Variants in STK3 observed in about 807,000 individuals in gnomAD.
STK3 encodes serine/threonine kinase 3.
A neutral mutation model predicts 58.0 loss-of-function variants in STK3; 41 were observed. The observed-to-expected ratio is 0.71, with a 90% CI of 0.55 to 0.92. STK3 has a LOEUF of 0.92. Ranked by LOEUF, STK3 falls within the 40% of genes least tolerant of loss-of-function variation. The probability of loss-of-function intolerance (pLI) is 0.00; values close to 1 mark genes in which losing one functional copy is unlikely to be tolerated. For missense variants in STK3, 479 were observed against 602.7 expected (o/e 0.79, Z 2.15); for synonymous variants, 170 against 191.0 (o/e 0.89, Z 0.91).
At chr8:98,480,081 AC>A (rs145358938) in intron 10 of STK3, among the ~76,000 whole-genome samples, 1,766 of 152,200 alleles carry the variant, frequency 0.012, 38 homozygotes, top group African/African-American at 0.041. Flanking sequence ...GTGTTTCAGG[AC>A]CCTCTGAAGT....
chr8:98,653,548 G>GT (rs761679594), intron 6 of STK3, among the ~76,000 whole-genome samples: 8 of 152,074 alleles, frequency 5.3e-5, no homozygotes, highest in Non-Finnish European at 8.8e-5. Flanking sequence ...TCAGGAGCTG[G>GT]TTTTTTGAAA....
At chr8:98,761,203 A>G (rs942512707) in intron 3 of STK3, among the ~76,000 whole-genome samples, 1 of 150,806 alleles carries the variant, frequency 6.6e-6, no homozygotes, top group African/African-American at 2.4e-5. Context: ...AGGTCATTGT[A>G]ACCTCTGCTT....
At chr8:98,804,959 C>A (rs999657851) in intron 1 of STK3, among the ~76,000 whole-genome samples, 1 of 152,172 alleles carries the variant, frequency 6.6e-6, no homozygotes, top group Non-Finnish European at 1.5e-5. Flanking sequence ...ACTCTTCCTC[C>A]AGGGACTTCT....
chr8:98,549,487 C>A (rs1338854399), intron 8 of STK3, among the ~76,000 whole-genome samples: 5 of 152,040 alleles, frequency 3.3e-5, no homozygotes, highest in Non-Finnish European at 7.4e-5. Flanking sequence ...GATATTAATT[C>A]CTTACCAGAG....
At chr8:98,785,641 G>A (rs1441022891) in intron 1 of STK3, among the ~76,000 whole-genome samples, 2 of 152,134 alleles carry the variant, frequency 1.3e-5, no homozygotes, top group African/African-American at 4.8e-5. Flanking sequence ...GCTGCTCCCA[G>A]TAAACAAGGA....
chr8:98,745,024 A>G (rs2131335863), intron 4 of STK3, among the ~76,000 whole-genome samples: 1 of 152,340 alleles, frequency 6.6e-6, no homozygotes, highest in East Asian at 1.9e-4. Flanking sequence ...ATTTCAAAGC[A>G]AAACCACCAT....
intron 3 of STK3, among the ~76,000 whole-genome samples, chr8:98,411,736 A>G (rs1162451380): frequency 7.2e-5 from 11 of 152,250 alleles, no homozygotes; most frequent in Admixed American, 7.2e-4. Flanking sequence ...CTGAGGCCTG[A>G]GAAATGCCTT....
At chr8:98,357,956 G>A in the STK3 span, among the ~76,000 whole-genome samples, 2 of 152,092 alleles carry the variant, frequency 1.3e-5, no homozygotes, top group Non-Finnish European at 2.9e-5. Flanking sequence ...CTTTCCCCAG[G>A]ACCCATGCCC....
downstream of STK3, among the ~76,000 whole-genome samples, chr8:98,397,865 G>A (rs930262199): frequency 2.0e-5 from 3 of 152,138 alleles, no homozygotes; most frequent in Admixed American, 6.5e-5. Context: ...ATGGTAAGAC[G>A]TGCCACCTTC....
At chr8:98,615,103 G>A (rs1391951004) in intron 6 of STK3, among the ~76,000 whole-genome samples, 1 of 151,892 alleles carries the variant, frequency 6.6e-6, no homozygotes, top group Admixed American at 6.6e-5. Flanking sequence ...CCAGCACGCA[G>A]CTGGAGATCT....
chr8:98,398,351 C>G (rs1477731626), downstream of STK3, among the ~76,000 whole-genome samples: 1 of 152,210 alleles, frequency 6.6e-6, no homozygotes, highest in Non-Finnish European at 1.5e-5. Context: ...ACCAACTTCT[C>G]CTAGTTTCCC....
rs539743104 is a variant in STK3 at position 98,422,174 on chromosome 8, C to T, written n.483+11953G>A. Reference sequence around the variant, plus strand: ...GACTCACCTATAAAACAAATTCAGTCCAGCATCCAGGAACAATGCAAAAGC... The same window carrying T: ...GACTCACCTATAAAACAAATTCAGTTCAGCATCCAGGAACAATGCAAAAGC... On this transcript the variant is annotated intron_variant and non_coding_transcript_variant, in intron 3 of 3. Transcript: ENST00000517832. Among the ~76,000 whole-genome samples the T allele has an allele frequency of 3.9e-5, 6 of 152,320 alleles. No homozygotes were observed. The East Asian group carries it at 1.2e-3, about 29-fold the overall frequency.
In STK3 at chr8:98,429,488, ATGGT is replaced by A. The variant is rs980872510; in HGVS notation, n.483+4635_483+4638del. 3.7e-5 allele frequency: 40 copies of A among 1,073,014 alleles called. 1 individual carries two copies. The African/African-American group carries it at 5.8e-4, about 16-fold the overall frequency. 66.5% of individuals were successfully genotyped at this position (1,073,014 alleles called of 1,614,324 possible). A position where few individuals can be genotyped will look rare whatever the true frequency, so the allele number is the denominator to read the frequency against. ...GCCTCTGGCACAGCCCAGGCACCTT[ATGGT>A]TATGGTGTAAGGAGTATGCCCAGCC... On this transcript the variant is annotated intron_variant and non_coding_transcript_variant, in intron 3 of 3. Coordinates refer to the STK3 transcript ENST00000517832.
intron 1 of STK3, among the ~76,000 whole-genome samples, chr8:98,940,237 T>C (rs1390804274): frequency 6.6e-6 from 1 of 152,160 alleles, no homozygotes; most frequent in Non-Finnish European, 1.5e-5. Flanking sequence ...GGGACCATCC[T>C]CACGCTCCAG....
intron 6 of STK3, among the ~76,000 whole-genome samples, chr8:98,680,224 G>A (rs1279776164): frequency 2.0e-5 from 3 of 152,080 alleles, no homozygotes; most frequent in Admixed American, 2.0e-4. Context: ...AAGAGGGAAA[G>A]GCAATTAGAT....
chr8:98,919,817 G>C (rs1489860989), intron 1 of STK3, among the ~76,000 whole-genome samples: 1 of 152,202 alleles, frequency 6.6e-6, no homozygotes, highest in Non-Finnish European at 1.5e-5. Flanking sequence ...GCAGCAGCAG[G>C]TAGGACTGGG....
At chr8:98,515,738 T>G (rs1267311367) in intron 10 of STK3, among the ~76,000 whole-genome samples, 1 of 151,996 alleles carries the variant, frequency 6.6e-6, no homozygotes, top group Non-Finnish European at 1.5e-5. Flanking sequence ...CAGGCATTAG[T>G]TTCTTCAGTT....
chr8:98,658,176 C>G (rs1821689097), intron 6 of STK3, among the ~76,000 whole-genome samples: 1 of 151,876 alleles, frequency 6.6e-6, no homozygotes, highest in Admixed American at 6.6e-5. Context: ...AATCAATTGT[C>G]TATGGTAAAT....
chr8:98,466,773 G>A (rs890175959), intron 10 of STK3, among the ~76,000 whole-genome samples: 3 of 152,024 alleles, frequency 2.0e-5, no homozygotes, highest in South Asian at 2.1e-4. Flanking sequence ...TTTTATAGAG[G>A]GGCTGCCCAA....
Sources: gnomAD v4.1 joint callset for allele counts (sites outside exome capture counted in the v4.1 genomes callset) on GRCh38, gnomAD v4.1.1 for gene constraint, MANE v1.5 for transcripts, NCBI Gene and HGNC (gene_info 2026-07-23, HGNC 2026-07-21) for gene names.